ERBIN: variants seen among roughly 807,000 people sequenced by gnomAD.
ERBIN encodes erbb2 interacting protein, also known as densin-180-like protein.
Under a neutral mutation model 158.4 loss-of-function variants are expected in ERBIN, and 60 were observed. That is an observed-to-expected ratio of 0.38 (90% CI 0.31 to 0.47). The LOEUF (loss-of-function observed/expected upper bound fraction) is 0.47. Among genes scored for constraint, ERBIN ranks in the 20% least tolerant of loss-of-function variants. The pLI is 0.99. For synonymous variants in ERBIN, 594 were observed against 557.2 expected (o/e 1.07, Z -0.93); for missense variants, 1,610 against 1,648.0 (o/e 0.98, Z 0.40).
At chr5:65,969,990 T>C (rs1182779179) in intron 1 of ERBIN, among the ~76,000 whole-genome samples, 2 of 152,200 alleles carry the variant, frequency 1.3e-5, no homozygotes, top group Non-Finnish European at 2.9e-5. Context: ...GTTTCTCTTT[T>C]TAAAGACCTG....
At chr5:65,939,393 C>G (rs1331945910) in intron 1 of ERBIN, among the ~76,000 whole-genome samples, 2 of 152,124 alleles carry the variant, frequency 1.3e-5, no homozygotes, top group African/African-American at 2.4e-5. Context: ...GCCGAGGTTG[C>G]GCCACTGCAT....
At chr5:65,935,531 T>C (rs1743970970) in intron 1 of ERBIN, among the ~76,000 whole-genome samples, 1 of 152,230 alleles carries the variant, frequency 6.6e-6, no homozygotes, top group Non-Finnish European at 1.5e-5. Context: ...TTCCAAACTG[T>C]AAAAAGGCAA....
chr5:66,038,374 C>T lies in ERBIN; in HGVS notation c.1207-9C>T, dbSNP rs1389247547. 1 of 1,583,916 alleles carries T rather than the reference C, an allele frequency of 6.3e-7. No homozygotes were observed. The highest frequency in any genetic ancestry group is 1.4e-5 in the African/African-American group (1 of 73,542). On this transcript the variant is annotated splice_polypyrimidine_tract_variant and intron_variant, in intron 14 of 25. Coordinates refer to ENST00000284037, the MANE Select transcript of ERBIN (RefSeq NM_001253697.2). ...TATTGAAAATTAAGCATTTATTTTC[C>T]TTCTCTAGTCCAAACCCCTGATACC...
intron 21 of ERBIN, among the ~76,000 whole-genome samples, chr5:66,067,964 A>G (rs182651338): frequency 9.9e-4 from 150 of 152,252 alleles, no homozygotes; most frequent in African/African-American, 3.5e-3. Flanking sequence ...ATAAAATTAA[A>G]AAGGGTATAT....
At position 65,992,802 on chromosome 5, in the gene ERBIN, T is replaced by G. The variant is rs1410474929; in HGVS notation, c.84T>G (p.Asp28Glu). The G allele has an allele frequency of 2.5e-6, 4 of 1,613,858 alleles. No homozygotes were observed. The highest frequency in any genetic ancestry group is 1.7e-5 in the Admixed American group (1 of 60,000). ...AAGAGGAGACTGTCACTACTCTTGA[T>G]TATTCTCATTGCAGCTTAGAACAAG... ...RGEEETVTTL[D>E]YSHCSLEQVP... is the part of the protein sequence containing the mutation. The change falls in exon 3 of 26, where the codon GAT (aspartate) becomes GAG (glutamate). Residue 28 changes from aspartate (D) to glutamate (E), a missense_variant. Coordinates refer to ENST00000284037, the MANE Select transcript of ERBIN (RefSeq NM_001253697.2).
At position 65,994,729 on chromosome 5, in the gene ERBIN, C is replaced by T; in HGVS notation, c.190-18C>T. 2.2e-6 allele frequency: 3 copies of T among 1,353,286 alleles called. No individual in the cohort carries two copies. The highest frequency in any genetic ancestry group is 3.1e-6 in the Non-Finnish European group (3 of 962,470). 83.8% of individuals were successfully genotyped at this position (1,353,286 alleles called of 1,614,324 possible). ...AAGATGTATATAATTGACATTCTTT[C>T]CTCCCTTTTTTCAATAGCAACTTTT... On this transcript the variant is annotated intron_variant, in intron 3 of 25. Coordinates refer to ENST00000284037, the MANE Select transcript of ERBIN (RefSeq NM_001253697.2).
intron 4 of ERBIN, among the ~76,000 whole-genome samples, chr5:66,002,873 T>G (rs1753145489): frequency 6.6e-6 from 1 of 152,256 alleles, no homozygotes; most frequent in Non-Finnish European, 1.5e-5. Context: ...TGAGCCCAGC[T>G]GTTTTAATAA....
chr5:65,940,361 G>A (rs1161213134), intron 1 of ERBIN, among the ~76,000 whole-genome samples: 3 of 147,416 alleles, frequency 2.0e-5, no homozygotes, highest in Admixed American at 6.6e-5. Context: ...CAGCCACCCC[G>A]TCTGGGAAGT....
chr5:65,969,423 C>T (rs1193187761), intron 1 of ERBIN, among the ~76,000 whole-genome samples: 5 of 152,158 alleles, frequency 3.3e-5, no homozygotes, highest in African/African-American at 9.7e-5. Context: ...TTCGTAGTTT[C>T]TTAGAACAGC....
At chr5:65,978,006 G>C (rs995581629) in intron 1 of ERBIN, among the ~76,000 whole-genome samples, 1 of 129,190 alleles carries the variant, frequency 7.7e-6, no homozygotes, top group Non-Finnish European at 1.7e-5. Context: ...CTATTTCTAG[G>C]TTGGAAACAA....
chr5:66,044,727 T>G (rs551551491), intron 17 of ERBIN, among the ~76,000 whole-genome samples: 1 of 151,676 alleles, frequency 6.6e-6, no homozygotes, highest in African/African-American at 2.4e-5. Context: ...ATCGTACCAC[T>G]GTGCTCCAGC....
At chr5:66,017,654 G>GT (rs201258180) in intron 7 of ERBIN, among the ~76,000 whole-genome samples, 1,802 of 151,684 alleles carry the variant, frequency 0.012, 39 homozygotes, top group African/African-American at 0.042. Context: ...TTCCTGTGCA[G>GT]TTTTTTAGCT....
In ERBIN at chr5:65,994,805, C is replaced by T. The variant is rs756742838; in HGVS notation, c.248C>T (p.Thr83Met). The change falls in exon 4 of 26, where the codon ACG becomes ATG. Residue 83 changes from threonine (T) to methionine (M), a missense_variant. Around this residue, in one of 2 missense-constraint regions of ERBIN, gnomAD observed 596 missense variants for 711.9 expected, o/e 0.84. Transcript: ENST00000284037. ...KLSLPDNDLT[T>M]LPASIANLIN... ...AGTTTGCCAGACAATGATTTAACAACGTTACCAGCATCCATTGCAAACCTT... is the reference window on the plus strand; with the variant it reads ...AGTTTGCCAGACAATGATTTAACAATGTTACCAGCATCCATTGCAAACCTT... 21 of 1,608,792 alleles carry T rather than the reference C, an allele frequency of 1.3e-5. No individual in the cohort carries two copies. Among genetic ancestry groups the T allele is most frequent in the African/African-American group, 4.0e-5 (3 of 74,656 alleles).
At chr5:65,974,206 T>C (rs1438295232) in intron 1 of ERBIN, among the ~76,000 whole-genome samples, 8 of 152,100 alleles carry the variant, frequency 5.3e-5, no homozygotes, top group Non-Finnish European at 8.8e-5. Context: ...GTTTTCTCAA[T>C]AGGTATATTG....
intron 16 of ERBIN, among the ~76,000 whole-genome samples, chr5:66,043,525 T>A (rs1758124768): frequency 6.6e-6 from 1 of 152,150 alleles, no homozygotes; most frequent in South Asian, 2.1e-4. Context: ...CCCCCCACCA[T>A]ATTCGTAATG....
At chr5:66,013,414 C>T (rs984615195) in intron 5 of ERBIN, 135 bp from the exon 6 acceptor site, 2 of 673,694 alleles carry the variant, frequency 3.0e-6, no homozygotes, top group Non-Finnish European at 5.3e-6. Context: ...TGAAGGGGCT[C>T]TCATAAAAGT....
At chr5:66,051,907 A>AAAAAAAAAAAAAAAAAAAAAAAG (rs1554065281) in intron 20 of ERBIN, among the ~76,000 whole-genome samples, 5 of 148,882 alleles carry the variant, frequency 3.4e-5, no homozygotes, top group African/African-American at 1.3e-4. Flanking sequence ...AAAAAAAAAA[A>AAAAAAAAAAAAAAAAAAAAAAAG]AGAGACAGAT....
chr5:66,056,763 T>C (rs1759622252), intron 21 of ERBIN, among the ~76,000 whole-genome samples: 1 of 152,134 alleles, frequency 6.6e-6, no homozygotes, highest in African/African-American at 2.4e-5. Context: ...ATATCATACT[T>C]TGAAGTTACG....
chr5:65,989,070 T>G (rs1751583392), intron 2 of ERBIN, among the ~76,000 whole-genome samples: 1 of 139,400 alleles, frequency 7.2e-6, no homozygotes, highest in African/African-American at 2.6e-5. Context: ...AAGATTCTTA[T>G]GTCTACAGTG....
Sources: gnomAD v4.1 joint callset for allele counts (sites outside exome capture counted in the v4.1 genomes callset) on GRCh38, gnomAD v4.1.1 for gene constraint, gnomAD v4.1.1 regional missense constraint, MANE v1.5 for transcripts, NCBI Gene and HGNC (gene_info 2026-07-23, HGNC 2026-07-21) for gene names.